ADGB: variants seen among roughly 807,000 people sequenced by gnomAD.
ADGB encodes calpain-7-like protein.
Under a neutral mutation model 210.5 loss-of-function variants are expected in ADGB, and 172 were observed. The observed-to-expected ratio is 0.82, with a 90% CI of 0.72 to 0.93. The LOEUF is 0.93. Ranked by LOEUF, ADGB falls within the 40% of genes least tolerant of loss-of-function variation. The pLI is 0.00. For missense variants in ADGB, 2,025 were observed against 1,964.8 expected (o/e 1.03, Z -0.58); for synonymous variants, 658 against 662.7 (o/e 0.99, Z 0.11).
At chr6:146,698,702 T>G (rs1416995666) in intron 12 of ADGB, among the ~76,000 whole-genome samples, 1 of 152,136 alleles carries the variant, frequency 6.6e-6, no homozygotes, top group Non-Finnish European at 1.5e-5. Context: ...ATTTTGCTAT[T>G]GTTGCAAATT....
At chr6:146,609,628 A>C (rs1780678349) in intron 1 of ADGB, among the ~76,000 whole-genome samples, 1 of 152,182 alleles carries the variant, frequency 6.6e-6, no homozygotes, top group African/African-American at 2.4e-5. Flanking sequence ...GACCTCTTTT[A>C]AAGGAGGTCT....
intron 5 of ADGB, among the ~76,000 whole-genome samples, chr6:146,663,160 ATATT>A (rs1308652200): frequency 4.3e-5 from 6 of 140,798 alleles, no homozygotes; most frequent in Admixed American, 7.4e-5. Context: ...TATATAATAT[ATATT>A]TATTATATAT....
intron 7 of ADGB, among the ~76,000 whole-genome samples, chr6:146,668,040 T>C (rs1291994476): frequency 6.6e-6 from 1 of 152,076 alleles, no homozygotes; most frequent in Non-Finnish European, 1.5e-5. Context: ...AGGTAAAGAA[T>C]AGAATAGAGA....
At position 146,605,904 on chromosome 6, in the gene ADGB, T is replaced by C. The variant is rs570801675; in HGVS notation, c.74+6790T>C. Among the ~76,000 whole-genome samples the C allele has an allele frequency of 1.2e-3, 185 of 152,316 alleles. 1 individual carries two copies. Among genetic ancestry groups the C allele is most frequent in the African/African-American group, 4.2e-3 (176 of 41,558 alleles). On this transcript the variant is annotated intron_variant, in intron 1 of 35. Transcript: ENST00000397944. ...GAATATACACATGCATGTGTCTTTA[T>C]GGTAGAATGACTTATATTCCTTTGG... is the stretch of plus-strand genomic sequence containing the variant.
chr6:146,652,396 A>G (rs1218040176), intron 3 of ADGB, among the ~76,000 whole-genome samples: 2 of 152,148 alleles, frequency 1.3e-5, no homozygotes, highest in Non-Finnish European at 2.9e-5. Context: ...CCTTTAAGGT[A>G]GTTTTAGGTA....
chr6:146,738,867 C>A (rs746941815), intron 23 of ADGB, among the ~76,000 whole-genome samples: 5 of 152,162 alleles, frequency 3.3e-5, no homozygotes, highest in Non-Finnish European at 7.3e-5. Flanking sequence ...ATAGGAAAAT[C>A]TGTGGGTGAG....
At chr6:146,803,061 C>T in intron 35 of ADGB, 1 of 1,558,492 alleles carries the variant, frequency 6.4e-7, no homozygotes, top group Admixed American at 1.7e-5. Context: ...CAAGTCTACA[C>T]AGCAGCCAAG....
intron 1 of ADGB, among the ~76,000 whole-genome samples, chr6:146,624,587 G>A (rs1444732530): frequency 5.3e-5 from 8 of 151,818 alleles, no homozygotes; most frequent in African/African-American, 1.9e-4. Flanking sequence ...ATGTTTCTAT[G>A]TTTTCTAGTC....
At chr6:146,741,434 A>G (rs1349831981) in intron 25 of ADGB, among the ~76,000 whole-genome samples, 163 bp downstream of exon 25, 1 of 152,132 alleles carries the variant, frequency 6.6e-6, no homozygotes, top group African/African-American at 2.4e-5. Context: ...ACAGTAGGAG[A>G]TATTAAATGT....
chr6:146,749,140 C>G lies in ADGB; in HGVS notation c.3365+3031C>G, dbSNP rs149741963. ...TAAAATTGACAGCCTTGCTGGAGTT[C>G]TAGAGTTTGGCTTGGAAAATGTTTG... On this transcript the variant is annotated intron_variant, in intron 26 of 35. Coordinates refer to ENST00000397944, the MANE Select transcript of ADGB (RefSeq NM_024694.4). Among the ~76,000 whole-genome samples the G allele has an allele frequency of 5.5e-3, 833 of 152,216 alleles. 3 individuals carry two copies. Among genetic ancestry groups the G allele is most frequent in the African/African-American group, 0.019 (788 of 41,546 alleles).
At chr6:146,790,922 G>A (rs1250865615) in intron 33 of ADGB, among the ~76,000 whole-genome samples, 3 of 151,996 alleles carry the variant, frequency 2.0e-5, no homozygotes, top group African/African-American at 4.8e-5. Flanking sequence ...TGGTTTTAAC[G>A]TGCATTTTTC....
chr6:146,745,696 C>G (rs912518853), intron 25 of ADGB, among the ~76,000 whole-genome samples: 2 of 152,076 alleles, frequency 1.3e-5, no homozygotes, highest in Non-Finnish European at 2.9e-5. Context: ...AGTTAAGGAA[C>G]CACACAAAGG....
At chr6:146,785,771 T>TA (rs1562300532) in intron 32 of ADGB, 59 bp downstream of exon 32, 6 of 1,220,826 alleles carry the variant, frequency 4.9e-6, no homozygotes, top group African/African-American at 3.0e-5. Flanking sequence ...TTGCACTTCT[T>TA]AAAAAAATAA....
At chr6:146,760,750 T>C (rs1396864700) in intron 27 of ADGB, among the ~76,000 whole-genome samples, 1 of 151,918 alleles carries the variant, frequency 6.6e-6, no homozygotes, top group African/African-American at 2.4e-5. Context: ...TTTCTCACAT[T>C]TTTTCTTACA....
chr6:146,643,437 C>T (rs1049470549), intron 2 of ADGB, among the ~76,000 whole-genome samples: 1 of 151,758 alleles, frequency 6.6e-6, no homozygotes, highest in African/African-American at 2.4e-5. Context: ...AGTTTATATT[C>T]CTCAGGCATT....
At position 146,711,359 on chromosome 6, in the gene ADGB, G is replaced by T. The variant is rs977308594; in HGVS notation, c.1708-4023G>T. ...ATCAAATATTTTATAAATGCCTGTT[G>T]TTTTTTTTTTTTAAACCACCCCATG... On this transcript the variant is annotated intron_variant, in intron 13 of 35. Coordinates refer to ENST00000397944, the MANE Select transcript of ADGB (RefSeq NM_024694.4). Among the ~76,000 whole-genome samples, 30 of 144,098 alleles carry T rather than the reference G, an allele frequency of 2.1e-4. 1 individual carries two copies. In the East Asian group the frequency reaches 4.8e-3, roughly 23 times the overall value. 94.5% of individuals were successfully genotyped at this position (144,098 alleles called of 152,430 possible).
Position 146,801,857 on chromosome 6 carries a change from C to A in ADGB, c.4664C>A (p.Thr1555Lys), listed in dbSNP as rs1480792484. 2 of 1,549,554 alleles carry A rather than the reference C, an allele frequency of 1.3e-6. No individual in the cohort carries two copies. The highest frequency in any genetic ancestry group is 1.7e-6 in the Non-Finnish European group (2 of 1,146,052). Residue 1555 changes from threonine (T) to lysine (K), a missense_variant, in exon 35 of 36, where the codon ACA (threonine) becomes AAA (lysine). Transcript: ENST00000397944. ...RKTDTDPLLQ[T>K]DELNQQQAMQ... ...ACAGATACAGATCCTCTGCTGCAAA[C>A]AGATGAATTGAATCAGCAGCAGGCA...
At chr6:146,677,054 T>C (rs7740903) in intron 9 of ADGB, among the ~76,000 whole-genome samples, 1,844 of 152,288 alleles carry the variant, frequency 0.012, 25 homozygotes, top group African/African-American at 0.034. Context: ...ACATTGGAGC[T>C]CTTTCATTTT....
rs1266967570 is a variant in ADGB at position 146,801,842 on chromosome 6, A to G, written c.4649A>G (p.Asp1550Gly). 4 of 1,543,440 alleles carry G rather than the reference A, an allele frequency of 2.6e-6. No individual in the cohort carries two copies. The highest frequency in any genetic ancestry group is 2.6e-6 in the Non-Finnish European group (3 of 1,143,378). The change falls in exon 35 of 36, where the codon GAT becomes GGT. Residue 1550 changes from aspartate (D) to glycine (G), a missense_variant. Physicochemically the swap from Asp to Gly is moderately conservative, Grantham distance 94. Transcript: ENST00000397944. The stretch of plus-strand genomic sequence containing the variant: ...TTTGTATCAAGGAAAACAGATACAG[A>G]TCCTCTGCTGCAAACAGATGAATTG... Reference protein sequence around the residue: ...LSQYVRKTDTDPLLQTDELNQ... With the variant: ...LSQYVRKTDTGPLLQTDELNQ...
Sources: allele counts gnomAD v4.1 joint callset (sites outside exome capture counted in the v4.1 genomes callset), GRCh38; gene constraint gnomAD v4.1.1; transcripts MANE v1.5; gene names NCBI Gene and HGNC (gene_info 2026-07-23, HGNC 2026-07-21).